UMAD1: variants seen among roughly 807,000 people sequenced by gnomAD.
UMAD1 encodes the protein UBAP1-MVB12-associated (UMA)-domain containing protein 1.
Under a neutral mutation model 6.1 loss-of-function variants are expected in UMAD1, and 8 were observed. The ratio of observed to expected loss-of-function variants is 1.30; its 90% confidence interval spans 0.76 to 2.35. The LOEUF (loss-of-function observed/expected upper bound fraction) is 2.35. Among genes scored for constraint, UMAD1 ranks in the 30% most tolerant of loss-of-function variants. UMAD1 has a pLI of 0.00. For synonymous variants in UMAD1, 56 were observed against 31.4 expected (o/e 1.78, Z -2.61); for missense variants, 130 against 78.4 (o/e 1.66, Z -2.49).
chr7:7,781,505 C>T (rs1454076507), intron 2 of UMAD1, among the ~76,000 whole-genome samples: 5 of 151,786 alleles, frequency 3.3e-5, no homozygotes, highest in African/African-American at 1.2e-4. Context: ...GTTTATAATC[C>T]TATCCAGAAA....
At chr7:7,660,457 G>A (rs1785446921) in intron 1 of UMAD1, among the ~76,000 whole-genome samples, 1 of 152,184 alleles carries the variant, frequency 6.6e-6, no homozygotes, top group Non-Finnish European at 1.5e-5. Context: ...TCCTTTCCAT[G>A]TTTAGTGTTT....
At chr7:7,802,865 G>T (rs1007708527) in intron 3 of UMAD1, among the ~76,000 whole-genome samples, 1 of 152,122 alleles carries the variant, frequency 6.6e-6, no homozygotes, top group African/African-American at 2.4e-5. Flanking sequence ...ATACTTTTAA[G>T]AGATATTTTT....
intron 2 of UMAD1, among the ~76,000 whole-genome samples, chr7:7,727,005 G>C (rs1266326536): frequency 6.6e-6 from 1 of 152,192 alleles, no homozygotes; most frequent in East Asian, 1.9e-4. Context: ...CCCACTCCAG[G>C]CAGGACTACA....
intron 2 of UMAD1, among the ~76,000 whole-genome samples, chr7:7,794,406 G>A (rs182521040): frequency 5.9e-4 from 90 of 152,258 alleles, no homozygotes; most frequent in African/African-American, 9.6e-4. Flanking sequence ...GCAAAAGGGC[G>A]TCCTAATCGG....
chr7:7,686,762 C>T (rs1409438959), intron 2 of UMAD1, among the ~76,000 whole-genome samples: 2 of 152,174 alleles, frequency 1.3e-5, no homozygotes, highest in African/African-American at 4.8e-5. Context: ...TTCCATGTGG[C>T]CGTTTTCCAG....
intron 2 of UMAD1, among the ~76,000 whole-genome samples, chr7:7,695,262 A>G (rs941020674): frequency 2.0e-5 from 3 of 152,080 alleles, no homozygotes; most frequent in Non-Finnish European, 4.4e-5. Flanking sequence ...TAATTTGTTT[A>G]CTTGCTGTCA....
At chr7:7,852,136 C>T (rs918863660) in intron 3 of UMAD1, among the ~76,000 whole-genome samples, 2 of 152,104 alleles carry the variant, frequency 1.3e-5, no homozygotes, top group Admixed American at 1.3e-4. Context: ...CTATTCTTTC[C>T]ACATTGAATG....
intron 2 of UMAD1, among the ~76,000 whole-genome samples, chr7:7,709,289 T>C: frequency 6.6e-6 from 1 of 152,244 alleles, no homozygotes; most frequent in East Asian, 1.9e-4. Flanking sequence ...TAGACTATAT[T>C]CTTTGTAAAT....
intron 2 of UMAD1, among the ~76,000 whole-genome samples, chr7:7,714,238 C>T (rs1376784167): frequency 6.6e-6 from 1 of 152,208 alleles, no homozygotes; most frequent in Non-Finnish European, 1.5e-5. Context: ...TATGACTTTG[C>T]ATATTGACCA....
intron 3 of UMAD1, among the ~76,000 whole-genome samples, chr7:7,863,204 T>TGTAA (rs919428267): frequency 6.6e-6 from 1 of 152,170 alleles, no homozygotes; most frequent in African/African-American, 2.4e-5. Context: ...AGACCCAAAG[T>TGTAA]GTAAGTCTCT....
chr7:7,653,530 T>A (rs982674650), intron 1 of UMAD1, among the ~76,000 whole-genome samples: 5 of 152,234 alleles, frequency 3.3e-5, no homozygotes, highest in Non-Finnish European at 7.3e-5. Context: ...GAAATTAAGA[T>A]GTTTTCTGAC....
chr7:7,662,588 G>A (rs993274032), intron 1 of UMAD1, among the ~76,000 whole-genome samples: 1 of 152,122 alleles, frequency 6.6e-6, no homozygotes, highest in African/African-American at 2.4e-5. Flanking sequence ...AACCCCTTAT[G>A]CCTCCTGGGT....
chr7:7,665,972 A>T (rs1779443131), intron 1 of UMAD1, among the ~76,000 whole-genome samples: 1 of 151,660 alleles, frequency 6.6e-6, no homozygotes, highest in South Asian at 2.1e-4. Flanking sequence ...TTGGTTATTA[A>T]AAAAAAAGTT....
In UMAD1 at chr7:7,741,768, T is replaced by C. The variant is rs1488842644; in HGVS notation, c.83-59902T>C. ...TGTAGACTTTTCAGTTAACTACAAT[T>C]AGTATGATAAGAGCAGAGAAAAACC... On this transcript the variant is annotated intron_variant, in intron 2 of 3. Transcript: ENST00000682710. 2.6e-5 allele frequency among the ~76,000 whole-genome samples: 4 copies of C among 151,920 alleles called. No homozygotes were observed. The South Asian group carries it at 6.2e-4, about 24-fold the overall frequency.
chr7:7,870,025 G>A (rs982759513), intron 3 of UMAD1, among the ~76,000 whole-genome samples: 1 of 152,170 alleles, frequency 6.6e-6, no homozygotes, highest in Non-Finnish European at 1.5e-5. Flanking sequence ...AGAAAGGGAG[G>A]AACAGTGCCT....
chr7:7,847,583 C>T (rs1783829112), intron 3 of UMAD1, among the ~76,000 whole-genome samples: 1 of 152,080 alleles, frequency 6.6e-6, no homozygotes, highest in African/African-American at 2.4e-5. Context: ...CATCCCATCT[C>T]ATTTCATTGC....
At chr7:7,744,807 G>C (rs548531265) in intron 2 of UMAD1, among the ~76,000 whole-genome samples, 1 of 151,924 alleles carries the variant, frequency 6.6e-6, no homozygotes, top group East Asian at 1.9e-4. Context: ...TCTTTATATA[G>C]TCTAGATACA....
intron 2 of UMAD1, among the ~76,000 whole-genome samples, chr7:7,743,240 ATGTAG>A (rs1313027252): frequency 6.6e-5 from 10 of 152,192 alleles, no homozygotes; most frequent in Admixed American, 6.5e-4. Context: ...AGGGGATAAA[ATGTAG>A]TGTGAATTGT....
chr7:7,850,042 A>C (rs1415745373), intron 3 of UMAD1, among the ~76,000 whole-genome samples: 1 of 152,180 alleles, frequency 6.6e-6, no homozygotes, highest in Non-Finnish European at 1.5e-5. Flanking sequence ...GAAAACCTTC[A>C]TGCCCAGTAT....
Sources: gnomAD v4.1 joint callset for allele counts (sites outside exome capture counted in the v4.1 genomes callset) on GRCh38, gnomAD v4.1.1 for gene constraint, MANE v1.5 for transcripts, NCBI Gene and HGNC (gene_info 2026-07-23, HGNC 2026-07-21) for gene names.